COL24A1: variants seen among roughly 807,000 people sequenced by gnomAD.
The protein encoded by COL24A1 is collagen alpha-1(XXIV) chain.
In COL24A1, 224 loss-of-function variants were observed where a neutral mutation model predicts 253.9. The observed-to-expected ratio is 0.88, with a 90% CI of 0.79 to 0.99. The LOEUF (loss-of-function observed/expected upper bound fraction) is 0.99. Among genes scored for constraint, COL24A1 ranks in the 50% least tolerant of loss-of-function variants. The probability of loss-of-function intolerance (pLI) is 0.00; values close to 1 mark genes in which losing one functional copy is unlikely to be tolerated. For missense variants in COL24A1, 2,131 were observed against 2,068.5 expected (o/e 1.03, Z -0.59); for synonymous variants, 685 against 673.7 (o/e 1.02, Z -0.26).
chr1:86,088,645 A>G (rs1703253294), intron 7 of COL24A1, among the ~76,000 whole-genome samples: 2 of 152,104 alleles, frequency 1.3e-5, no homozygotes, highest in Non-Finnish European at 2.9e-5. Context: ...TCCTCACGTC[A>G]CTTCCATCCT....
chr1:85,783,576 A>C lies in COL24A1; in HGVS notation c.4222-18T>G, dbSNP rs755448419. Reference sequence around the variant, plus strand: ...TCAGGACCCTAGACATACAATAAGAAACAAAAAGATAAAATTTGTAGCTCT... The same window carrying C: ...TCAGGACCCTAGACATACAATAAGACACAAAAAGATAAAATTTGTAGCTCT... On this transcript the variant is annotated intron_variant, in intron 50 of 59. Transcript: ENST00000370571. 4 of 1,609,978 alleles carry C rather than the reference A, an allele frequency of 2.5e-6. No homozygotes were observed. The East Asian group carries it at 6.7e-5, about 27-fold the overall frequency.
intron 2 of COL24A1, among the ~76,000 whole-genome samples, chr1:86,134,992 T>C (rs1405139146): frequency 6.6e-6 from 1 of 151,442 alleles, no homozygotes; most frequent in Non-Finnish European, 1.5e-5. Context: ...CTAAGTCTCT[T>C]TGTAGGTCTC....
At chr1:85,873,717 T>C (rs1335414117) in intron 35 of COL24A1, among the ~76,000 whole-genome samples, 2 of 152,008 alleles carry the variant, frequency 1.3e-5, no homozygotes, top group African/African-American at 4.8e-5. Flanking sequence ...CATTAGGAGA[T>C]ATATCTAATG....
intron 10 of COL24A1, among the ~76,000 whole-genome samples, chr1:86,056,845 C>T (rs1700701465): frequency 1.3e-5 from 2 of 149,524 alleles, no homozygotes; most frequent in Non-Finnish European, 3.0e-5. Flanking sequence ...CAGAGTAAGA[C>T]TCTGTCTCAC....
At chr1:86,146,272 A>G (rs1217515356) in intron 1 of COL24A1, 89 bp from the exon 2 acceptor site, 4 of 948,606 alleles carry the variant, frequency 4.2e-6, no homozygotes, top group Non-Finnish European at 6.5e-6. Context: ...CAAGATTAAG[A>G]ATTAAGCAAT....
At chr1:86,101,456 T>A (rs1704446933) in intron 5 of COL24A1, among the ~76,000 whole-genome samples, 2 of 152,206 alleles carry the variant, frequency 1.3e-5, no homozygotes, top group Admixed American at 1.3e-4. Context: ...GGCATACTTG[T>A]CTTATGCTGG....
At chr1:86,082,509 T>C (rs186518434) in intron 7 of COL24A1, among the ~76,000 whole-genome samples, 42 of 151,848 alleles carry the variant, frequency 2.8e-4, no homozygotes, top group African/African-American at 9.9e-4. Context: ...ACCTTTCACC[T>C]CCAGGAAGTT....
At chr1:85,732,265 C>A (rs1329945362) in intron 59 of COL24A1, among the ~76,000 whole-genome samples, 2 of 149,302 alleles carry the variant, frequency 1.3e-5, no homozygotes, top group Non-Finnish European at 3.0e-5. Flanking sequence ...GAGTCTCACT[C>A]GGTCGCCCAG....
intron 24 of COL24A1, among the ~76,000 whole-genome samples, chr1:85,951,954 A>G (rs1027211099): frequency 6.6e-6 from 1 of 152,172 alleles, no homozygotes; most frequent in Non-Finnish European, 1.5e-5. Flanking sequence ...TCAATCAATT[A>G]TTTTTCTTAC....
chr1:85,851,106 A>G (rs1447201388), intron 37 of COL24A1, among the ~76,000 whole-genome samples: 1 of 151,484 alleles, frequency 6.6e-6, no homozygotes, highest in Admixed American at 6.6e-5. Flanking sequence ...ACTCAGGTGC[A>G]ATCATTGTCT....
chr1:85,742,666 T>C (rs970309541), intron 57 of COL24A1, among the ~76,000 whole-genome samples: 1 of 151,826 alleles, frequency 6.6e-6, no homozygotes, highest in Non-Finnish European at 1.5e-5. Flanking sequence ...CAAAATTGCA[T>C]CTCCTGTTAA....
chr1:85,822,861 A>G (rs1673804277), intron 45 of COL24A1, among the ~76,000 whole-genome samples: 1 of 152,138 alleles, frequency 6.6e-6, no homozygotes, highest in South Asian at 2.1e-4. Context: ...TTGATGTCTG[A>G]TTATCCCACA....
intron 43 of COL24A1, among the ~76,000 whole-genome samples, chr1:85,835,974 G>T (rs563656946): frequency 1.3e-5 from 2 of 152,244 alleles, no homozygotes; most frequent in Admixed American, 6.5e-5. Flanking sequence ...CATGTGAGAG[G>T]TGTCTCCCTA....
At chr1:85,998,620 A>G (rs186897741) in intron 19 of COL24A1, among the ~76,000 whole-genome samples, 12 of 152,308 alleles carry the variant, frequency 7.9e-5, no homozygotes, top group Middle Eastern at 3.4e-3. Context: ...CAAATGAGGT[A>G]TTGACTTTGC....
At position 85,756,898 on chromosome 1, in the gene COL24A1, C is replaced by T. The variant is rs1047554256; in HGVS notation, c.4437+4498G>A. Among the ~76,000 whole-genome samples, 5 of 152,068 alleles carry T rather than the reference C, an allele frequency of 3.3e-5. No individual in the cohort carries two copies. In the East Asian group the frequency reaches 5.8e-4, roughly 18 times the overall value. ...TGAAAATAAATAAAATTCGAATATA[C>T]GCTTACAAAAGAGATGAACCCTGAA... On this transcript the variant is annotated intron_variant, in intron 55 of 59. Coordinates refer to ENST00000370571, the MANE Select transcript of COL24A1 (RefSeq NM_152890.7).
At chr1:86,040,714 A>G (rs1374047974) in intron 12 of COL24A1, among the ~76,000 whole-genome samples, 2 of 152,100 alleles carry the variant, frequency 1.3e-5, no homozygotes, top group Admixed American at 6.6e-5. Flanking sequence ...TTAGCCAAAT[A>G]TAGCTACTAC....
chr1:86,032,392 T>C (rs1698654219), intron 13 of COL24A1, among the ~76,000 whole-genome samples: 1 of 152,196 alleles, frequency 6.6e-6, no homozygotes, highest in Non-Finnish European at 1.5e-5. Context: ...GAAATACCAA[T>C]ATTTGTTCTC....
intron 27 of COL24A1, among the ~76,000 whole-genome samples, chr1:85,907,572 C>T (rs751204572): frequency 9.2e-5 from 14 of 151,874 alleles, no homozygotes; most frequent in South Asian, 8.3e-4. Context: ...CTAGACAGAC[C>T]GGTCTAATCT....
rs118120959 is a variant in COL24A1 at position 86,033,116 on chromosome 1, G to A, written c.2004+754C>T. Among the ~76,000 whole-genome samples the A allele has an allele frequency of 2.5e-3, 374 of 152,180 alleles. 10 individuals carry two copies. In the East Asian group the frequency reaches 0.046, roughly 19 times the overall value. On this transcript the variant is annotated intron_variant, in intron 13 of 59. Coordinates refer to ENST00000370571, the MANE Select transcript of COL24A1 (RefSeq NM_152890.7). The stretch of plus-strand genomic sequence containing the variant: ...GCAGTCTTGGCTGAATTCACTGAAT[G>A]AGCTAATATAGTTTTAATTTGGAAA...
Sources: gnomAD v4.1 joint callset for allele counts (sites outside exome capture counted in the v4.1 genomes callset) on GRCh38, gnomAD v4.1.1 for gene constraint, MANE v1.5 for transcripts, NCBI Gene and HGNC (gene_info 2026-07-23, HGNC 2026-07-21) for gene names.